LMX1A: variants seen among roughly 807,000 people sequenced by gnomAD.
LMX1A encodes LIM homeobox transcription factor 1 alpha, also known as LIM homeobox transcription factor 1-alpha.
A neutral mutation model predicts 49.1 loss-of-function variants in LMX1A; 15 were observed. The ratio of observed to expected loss-of-function variants is 0.31; its 90% CI spans 0.20 to 0.47. The LOEUF (loss-of-function observed/expected upper bound fraction) is 0.47. Among genes scored for constraint, LMX1A ranks in the 20% least tolerant of loss-of-function variants. The pLI is 1.00. For missense variants in LMX1A, 372 were observed against 475.8 expected, an observed-to-expected ratio of 0.78 and a Z score of 2.03; for synonymous variants, 167 against 185.7, an observed-to-expected ratio of 0.90 and a Z score of 0.82.
At chr1:165,349,220 T>C (rs557511457) in intron 3 of LMX1A, among the ~76,000 whole-genome samples, 1 of 152,210 alleles carries the variant, frequency 6.6e-6, no homozygotes, top group African/African-American at 2.4e-5. Context: ...ATTACCACAT[T>C]CCCGTTATTC....
intron 3 of LMX1A, among the ~76,000 whole-genome samples, chr1:165,274,290 A>G (rs1653899038): frequency 6.6e-6 from 1 of 152,204 alleles, no homozygotes; most frequent in Non-Finnish European, 1.5e-5. Context: ...TATTTTACAC[A>G]TCTACCCTGG....
chr1:165,348,771 G>T (rs542944222), intron 3 of LMX1A, among the ~76,000 whole-genome samples: 12 of 152,218 alleles, frequency 7.9e-5, no homozygotes, highest in African/African-American at 2.9e-4. Context: ...TGCAGAATTA[G>T]TTCATTACTG....
At chr1:165,328,631 G>C (rs1655653222) in intron 3 of LMX1A, among the ~76,000 whole-genome samples, 1 of 152,166 alleles carries the variant, frequency 6.6e-6, no homozygotes, top group African/African-American at 2.4e-5. Context: ...GAGAGATTCA[G>C]CCCCATCCAA....
At chr1:165,338,625 C>T (rs1297006845) in intron 3 of LMX1A, among the ~76,000 whole-genome samples, 1 of 152,228 alleles carries the variant, frequency 6.6e-6, no homozygotes, top group African/African-American at 2.4e-5. Context: ...CCAAGTCTCC[C>T]TTCTAGCTCT....
In LMX1A at chr1:165,203,867, T is replaced by C. The variant is rs1208551322; in HGVS notation, c.*13A>G. 1 of 1,613,130 alleles carries C rather than the reference T, an allele frequency of 6.2e-7. No homozygotes were observed. Among genetic ancestry groups the C allele is most frequent in the African/African-American group, 1.3e-5 (1 of 74,836 alleles). On this transcript the variant is annotated 3_prime_UTR_variant, in exon 9 of 9. Transcript: ENST00000342310. ...CCATATGGGAGCCTAGTCACAGAACTCTAGGGGAAGACTCAAGATGTGAAG... is the reference window on the plus strand; with the variant it reads ...CCATATGGGAGCCTAGTCACAGAACCCTAGGGGAAGACTCAAGATGTGAAG...
At chr1:165,238,475 C>T (rs1298406281) in intron 4 of LMX1A, among the ~76,000 whole-genome samples, 1 of 152,184 alleles carries the variant, frequency 6.6e-6, no homozygotes, top group Admixed American at 6.5e-5. Flanking sequence ...AGCACATTGT[C>T]TTTAGATCCT....
At chr1:165,282,914 G>A (rs1449988686) in intron 3 of LMX1A, among the ~76,000 whole-genome samples, 1 of 152,152 alleles carries the variant, frequency 6.6e-6, no homozygotes, top group African/African-American at 2.4e-5. Context: ...GCCTTCCAGT[G>A]GTTTCCTAAT....
At chr1:165,337,880 GTGTGTTTC>G (rs1655946946) in intron 3 of LMX1A, among the ~76,000 whole-genome samples, 1 of 102,834 alleles carries the variant, frequency 9.7e-6, no homozygotes, top group African/African-American at 3.0e-5. Context: ...ATCTGTGTGT[GTGTGTTTC>G]TGTGTGTGTG....
At chr1:165,297,942 A>G (rs1289721693) in intron 3 of LMX1A, among the ~76,000 whole-genome samples, 2 of 152,268 alleles carry the variant, frequency 1.3e-5, no homozygotes, top group Non-Finnish European at 2.9e-5. Context: ...TGAGGCTTCA[A>G]TGTGACAATG....
At chr1:165,212,389 C>T (rs1040889090) in intron 5 of LMX1A, among the ~76,000 whole-genome samples, 4 of 152,204 alleles carry the variant, frequency 2.6e-5, no homozygotes, top group African/African-American at 9.6e-5. Context: ...GCTGCTCCTT[C>T]AGCCTGGACC....
In LMX1A at chr1:165,213,772, C is replaced by T. The variant is rs528275002; in HGVS notation, c.538G>A (p.Gly180Arg). ...DEESLCKSAH[G>R]AGKGTAEEGK... ...TCCTCAGCAGTTCCTTTCCCTGCCCCATGGGCTGACTTGCAGAGACTTTCT... is the reference window on the plus strand; with the variant it reads ...TCCTCAGCAGTTCCTTTCCCTGCCCTATGGGCTGACTTGCAGAGACTTTCT... The change falls in exon 5 of 9, where the codon GGG becomes AGG. Residue 180 changes from glycine to arginine, a missense_variant. Physicochemically the swap from Gly to Arg is moderately radical, Grantham distance 125. Transcript: ENST00000342310. The T allele has an allele frequency of 1.9e-6, 3 of 1,614,220 alleles. No individual in the cohort carries two copies. Among genetic ancestry groups the T allele is most frequent in the East Asian group, 4.5e-5 (2 of 44,886 alleles).
At chr1:165,263,952 A>G (rs572113511) in intron 3 of LMX1A, among the ~76,000 whole-genome samples, 2 of 152,294 alleles carry the variant, frequency 1.3e-5, no homozygotes, top group East Asian at 3.9e-4. Context: ...AGCTCCTGAT[A>G]TGGTAGTGCT....
chr1:165,208,047 G>A lies in LMX1A; in HGVS notation c.817+16C>T. On this transcript the variant is annotated intron_variant, in intron 7 of 8. Transcript: ENST00000342310. ...GGATTCCAGCCAGAACTGCCTGGGA[G>A]GAGGCACCAGCTTACCAGAGCTCAG... The A allele has an allele frequency of 6.2e-7, 1 of 1,612,170 alleles. No homozygotes were observed. The highest frequency in any genetic ancestry group is 8.5e-7 in the Non-Finnish European group (1 of 1,178,878).
intron 6 of LMX1A, among the ~76,000 whole-genome samples, chr1:165,208,685 C>A (rs773828867): frequency 8.8e-5 from 10 of 114,092 alleles, no homozygotes; most frequent in Non-Finnish European, 1.8e-4. Context: ...GTCACCCAGG[C>A]TGGAGTGCTG....
At chr1:165,270,656 G>A (rs1653766135) in intron 3 of LMX1A, among the ~76,000 whole-genome samples, 1 of 152,184 alleles carries the variant, frequency 6.6e-6, no homozygotes, top group Non-Finnish European at 1.5e-5. Context: ...TCTGAGGTTG[G>A]TTTGAGTGGG....
chr1:165,282,002 T>C (rs1654166291), intron 3 of LMX1A, among the ~76,000 whole-genome samples: 1 of 152,294 alleles, frequency 6.6e-6, no homozygotes, highest in South Asian at 2.1e-4. Context: ...GGAGCACAGA[T>C]ACCTCAGACA....
chr1:165,294,948 A>G (rs1207530273), intron 3 of LMX1A, among the ~76,000 whole-genome samples: 1 of 152,164 alleles, frequency 6.6e-6, no homozygotes. Flanking sequence ...TGGGTGACAG[A>G]GCAAGACTCC....
chr1:165,347,126 T>C (rs1656273384), intron 3 of LMX1A, among the ~76,000 whole-genome samples: 1 of 152,164 alleles, frequency 6.6e-6, no homozygotes, highest in African/African-American at 2.4e-5. Flanking sequence ...AAAATGTTAA[T>C]CCTATGGGGT....
At chr1:165,344,478 G>A (rs944650006) in intron 3 of LMX1A, among the ~76,000 whole-genome samples, 2 of 152,192 alleles carry the variant, frequency 1.3e-5, no homozygotes, top group African/African-American at 4.8e-5. Flanking sequence ...CTCTCCCCAA[G>A]AGCCAGCTTT....
Sources: gnomAD v4.1 joint callset for allele counts (sites outside exome capture counted in the v4.1 genomes callset) on GRCh38, gnomAD v4.1.1 for gene constraint, MANE v1.5 for transcripts, NCBI Gene and HGNC (gene_info 2026-07-23, HGNC 2026-07-21) for gene names.